Variants in FGF13 observed in about 807,000 individuals in gnomAD.
FGF13 encodes fibroblast growth factor homologous factor 2.
Under a neutral mutation model 19.5 loss-of-function variants are expected in FGF13, and 2 were observed. The observed-to-expected ratio is 0.10, with a 90% CI of 0.04 to 0.32. The LOEUF (loss-of-function observed/expected upper bound fraction) is 0.32. Ranked by LOEUF, FGF13 falls within the 10% of genes least tolerant of loss-of-function variation. The pLI is 1.00. For synonymous variants in FGF13, 72 were observed against 76.9 expected (o/e 0.94, Z 0.33); for missense variants, 113 against 192.7 (o/e 0.59, Z 2.45).
chrX:138,696,548 G>T (rs764248700), intron 3 of FGF13, among the ~76,000 whole-genome samples: 1 of 111,560 alleles, frequency 9.0e-6, no homozygotes, highest in Non-Finnish European at 1.9e-5. Flanking sequence ...ATGGAAAAGC[G>T]GTCAATAGTC....
chrX:138,855,962 C>CTG (rs35763167), downstream of FGF13, among the ~76,000 whole-genome samples: 11,208 of 101,208 alleles, frequency 0.11, 556 homozygotes, highest in Admixed American at 0.19. Context: ...AGTACAAAAA[C>CTG]TGTGTGTGTG....
rs189804814 is a variant in FGF13, at chrX:139,048,059, C to T, written c.-113+155357G>A. Among the ~76,000 whole-genome samples the T allele has an allele frequency of 1.3e-3, 145 of 110,861 alleles. 3 individuals carry two copies. In the East Asian group the frequency reaches 0.027, roughly 21 times the overall value. On this transcript the variant is annotated intron_variant, in intron 1 of 2. Coordinates refer to the FGF13 transcript ENST00000421460. ...TTCTTTAAAGAACATGGATCTATGT[C>T]TTGTTTAAGGAACATCACCCCACAG...
intron 1 of FGF13, among the ~76,000 whole-genome samples, chrX:139,159,726 A>C (rs776307421): frequency 9.0e-6 from 1 of 110,517 alleles, no homozygotes; most frequent in Non-Finnish European, 1.9e-5. Flanking sequence ...ACCAACAAAG[A>C]TCAAAAAAGA....
At chrX:139,055,214 A>G (rs2092317429) in intron 1 of FGF13, among the ~76,000 whole-genome samples, 1 of 111,288 alleles carries the variant, frequency 9.0e-6, no homozygotes, top group Non-Finnish European at 1.9e-5. Flanking sequence ...TTCCAGTACT[A>G]TGTAGAAGAG....
intron 1 of FGF13, among the ~76,000 whole-genome samples, chrX:138,950,393 C>T (rs1379048790): frequency 1.8e-5 from 2 of 112,067 alleles, no homozygotes; most frequent in South Asian, 3.7e-4. Context: ...ATTTTGAGTG[C>T]CTATGATGTT....
chrX:138,791,894 A>C (rs1020986401), intron 3 of FGF13, among the ~76,000 whole-genome samples: 10 of 112,265 alleles, frequency 8.9e-5, no homozygotes, highest in Non-Finnish European at 1.9e-4. Flanking sequence ...TCTTGATATC[A>C]AAATTTTAAC....
At chrX:139,160,582 G>C (rs771459121) in intron 1 of FGF13, among the ~76,000 whole-genome samples, 4 of 111,750 alleles carry the variant, frequency 3.6e-5, no homozygotes, top group South Asian at 3.8e-4. Flanking sequence ...TAACAAAATA[G>C]ATAGACTGCT....
intron 3 of FGF13, among the ~76,000 whole-genome samples, chrX:138,772,637 C>T (rs1471334394): frequency 1.8e-5 from 2 of 111,262 alleles, no homozygotes; most frequent in South Asian, 3.8e-4. Flanking sequence ...AGAGGTTGTA[C>T]GTTACTTTCC....
intron 3 of FGF13, among the ~76,000 whole-genome samples, chrX:138,637,560 C>A (rs2089198530): frequency 8.9e-6 from 1 of 112,262 alleles, no homozygotes; most frequent in African/African-American, 3.2e-5. Flanking sequence ...CAAAAATGGG[C>A]TGCATTTAAT....
intron 3 of FGF13, among the ~76,000 whole-genome samples, chrX:138,753,686 A>G (rs1314669167): frequency 8.9e-6 from 1 of 111,956 alleles, no homozygotes; most frequent in African/African-American, 3.2e-5. Flanking sequence ...CCTCAAGTTA[A>G]GCCAAGAGGA....
chrX:138,869,938 T>G (rs1212996861), intron 1 of FGF13, among the ~76,000 whole-genome samples: 1 of 112,016 alleles, frequency 8.9e-6, no homozygotes, highest in African/African-American at 3.2e-5. Context: ...TCCAAATTTG[T>G]TTGAGAAGAA....
intron 3 of FGF13, among the ~76,000 whole-genome samples, chrX:138,839,947 C>G (rs1415144587): frequency 1.8e-5 from 2 of 111,826 alleles, no homozygotes; most frequent in Non-Finnish European, 3.8e-5. Context: ...GATAAAATAT[C>G]TACATTCTAG....
At chrX:139,095,493 T>C (rs749264017) in intron 1 of FGF13, among the ~76,000 whole-genome samples, 2 of 112,008 alleles carry the variant, frequency 1.8e-5, no homozygotes, top group Admixed American at 9.4e-5. Context: ...GATGAGGTCA[T>C]AGAGAAGAGA....
intron 1 of FGF13, among the ~76,000 whole-genome samples, chrX:139,136,601 G>T (rs1210789663): frequency 9.0e-6 from 1 of 111,713 alleles, no homozygotes; most frequent in Non-Finnish European, 1.9e-5. Context: ...TAGGGAAAAA[G>T]CACATGAGGT....
intron 1 of FGF13, among the ~76,000 whole-genome samples, chrX:139,124,616 T>C (rs1299225536): frequency 9.0e-6 from 1 of 111,582 alleles, no homozygotes; most frequent in Non-Finnish European, 1.9e-5. Context: ...TGGGGTCTGA[T>C]CAAAGCTCTC....
chrX:138,904,913 G>A (rs1313168077), intron 1 of FGF13, among the ~76,000 whole-genome samples: 2 of 112,163 alleles, frequency 1.8e-5, no homozygotes, highest in Non-Finnish European at 3.8e-5. Flanking sequence ...GAATCTAAGT[G>A]TCAGGACTCT....
At chrX:138,677,102 T>C in intron 3 of FGF13, among the ~76,000 whole-genome samples, 1 of 112,530 alleles carries the variant, frequency 8.9e-6, no homozygotes, top group East Asian at 2.8e-4. Context: ...CACTATATTA[T>C]GTACTATCTA....
intron 1 of FGF13, among the ~76,000 whole-genome samples, chrX:138,987,973 T>C (rs2092000540): frequency 8.9e-6 from 1 of 112,315 alleles, no homozygotes; most frequent in Admixed American, 9.4e-5. Context: ...CATTGTTTTA[T>C]TGTTACACAT....
At chrX:139,015,882 T>C (rs1327959317) in intron 1 of FGF13, among the ~76,000 whole-genome samples, 1 of 111,595 alleles carries the variant, frequency 9.0e-6, no homozygotes, top group Non-Finnish European at 1.9e-5. Flanking sequence ...CAGAACAGAA[T>C]GGAGAACCCA....
Sources: allele counts gnomAD v4.1 joint callset (sites outside exome capture counted in the v4.1 genomes callset), GRCh38; gene constraint gnomAD v4.1.1; transcripts MANE v1.5; gene names NCBI Gene and HGNC (gene_info 2026-07-23, HGNC 2026-07-21).